OSBPL10: variants seen among roughly 807,000 people sequenced by gnomAD.
OSBPL10 encodes oxysterol-binding protein-related protein 10.
In OSBPL10, 49 loss-of-function variants were observed where a neutral mutation model predicts 81.7. That is an observed-to-expected ratio of 0.60 (90% CI 0.48 to 0.76). The LOEUF (loss-of-function observed/expected upper bound fraction) is 0.76. Among genes scored for constraint, OSBPL10 ranks in the 30% least tolerant of loss-of-function variants. The pLI is 0.00. For synonymous variants in OSBPL10, 419 were observed against 383.6 expected (o/e 1.09, Z -1.08); for missense variants, 923 against 987.8 (o/e 0.93, Z 0.88).
intron 4 of OSBPL10, among the ~76,000 whole-genome samples, chr3:31,822,951 A>G (rs1700016936): frequency 1.3e-5 from 2 of 149,924 alleles, no homozygotes; most frequent in Non-Finnish European, 3.0e-5. Context: ...AAAAAAATAC[A>G]ATACAATAAA....
At chr3:31,785,563 T>C (rs1397414727) in intron 4 of OSBPL10, among the ~76,000 whole-genome samples, 1 of 152,186 alleles carries the variant, frequency 6.6e-6, no homozygotes. Context: ...GGTTTTGGAC[T>C]GGCAGTCAGG....
chr3:31,825,400 C>G (rs1237028975), intron 4 of OSBPL10, among the ~76,000 whole-genome samples: 1 of 152,102 alleles, frequency 6.6e-6, no homozygotes, highest in Non-Finnish European at 1.5e-5. Flanking sequence ...TTGCTCATTG[C>G]AACTTCAAAC....
chr3:31,827,079 TTTTTC>T (rs1559482105), intron 4 of OSBPL10, among the ~76,000 whole-genome samples: 1 of 152,106 alleles, frequency 6.6e-6, no homozygotes, highest in Non-Finnish European at 1.5e-5. Context: ...TTTCATCTAC[TTTTTC>T]TTTTTTCTTT....
intron 4 of OSBPL10, among the ~76,000 whole-genome samples, chr3:31,798,274 ATAAAAAT>A (rs1272726712): frequency 6.6e-6 from 1 of 152,114 alleles, no homozygotes; most frequent in Non-Finnish European, 1.5e-5. Context: ...TAGTAAAAAC[ATAAAAAT>A]TAGCTGGGCG....
chr3:31,947,098 A>G (rs1697724684), intron 1 of OSBPL10, among the ~76,000 whole-genome samples: 1 of 152,230 alleles, frequency 6.6e-6, no homozygotes, highest in Non-Finnish European at 1.5e-5. Flanking sequence ...AGAACGAGAC[A>G]CAGCAGTAAT....
At position 31,705,372 on chromosome 3, in the gene OSBPL10, ACCC is replaced by A. The variant is rs3840254; in HGVS notation, c.1096-2867_1096-2865del. 7.5e-3 allele frequency among the ~76,000 whole-genome samples: 985 copies of A among 130,630 alleles called. 26 individuals are homozygous for A. The highest frequency in any genetic ancestry group is 0.029 in the African/African-American group (931 of 31,928). The allele number at this position is 130,630 out of a possible 152,430, so 85.7% of individuals were successfully genotyped here. A position where few individuals can be genotyped will look rare whatever the true frequency, so the allele number is the denominator to read the frequency against. ...CTCAGTCCATCTGCACAAAGAGAAG[ACCC>A]CCCCCCCCACCCCCATCGCGGTCCA... is the stretch of plus-strand genomic sequence containing the variant. On this transcript the variant is annotated intron_variant, in intron 6 of 11. Transcript: ENST00000396556.
intron 1 of OSBPL10, among the ~76,000 whole-genome samples, chr3:31,939,275 G>A (rs1004860904): frequency 1.3e-5 from 2 of 151,070 alleles, no homozygotes; most frequent in Non-Finnish European, 2.9e-5. Flanking sequence ...CTCCCGAGTA[G>A]CTGGGACTAC....
At chr3:31,913,687 CA>C (rs556707382) in intron 1 of OSBPL10, among the ~76,000 whole-genome samples, 2 of 152,270 alleles carry the variant, frequency 1.3e-5, no homozygotes, top group South Asian at 4.1e-4. Context: ...ACTGACTAAC[CA>C]AGGTGAACAC....
chr3:31,783,335 A>G (rs893601265), intron 4 of OSBPL10, among the ~76,000 whole-genome samples: 3 of 151,972 alleles, frequency 2.0e-5, no homozygotes, highest in East Asian at 1.9e-4. Context: ...GAATGATACA[A>G]TGGACTTTGG....
chr3:31,745,375 A>G (rs11712550), intron 5 of OSBPL10, among the ~76,000 whole-genome samples: 75,086 of 152,120 alleles, frequency 0.49, 19,380 homozygotes, highest in East Asian at 0.78. Context: ...ATTATAATAC[A>G]TAAATATAAG....
upstream of OSBPL10, among the ~76,000 whole-genome samples, chr3:31,983,426 A>G (rs1348616492): frequency 6.6e-6 from 1 of 152,246 alleles, no homozygotes; most frequent in African/African-American, 2.4e-5. Context: ...AGCTAGCACA[A>G]CAAATTCTCA....
chr3:32,064,492 G>T (rs753967906), intron 1 of OSBPL10: 1 of 92,956 alleles, frequency 1.1e-5, no homozygotes, highest in Non-Finnish European at 2.9e-5. Context: ...AAGCACAAAT[G>T]TTGAGGACTG....
Position 32,037,152 on chromosome 3 carries a change from C to T in OSBPL10, n.298+9339G>A, listed in dbSNP as rs62244427. Among the ~76,000 whole-genome samples, 406 of 152,308 alleles carry T rather than the reference C, an allele frequency of 2.7e-3. 3 individuals carry two copies. Among genetic ancestry groups the T allele is most frequent in the Non-Finnish European group, 4.7e-4 (32 of 68,032 alleles). On this transcript the variant is annotated intron_variant and non_coding_transcript_variant, in intron 2 of 3. Coordinates refer to the OSBPL10 transcript ENST00000479173. ...AGAACAGTACATGCTGGAAGAAAAGCTCCCCTACGTACCCCGTGTGACAGA... is the reference window on the plus strand; with the variant it reads ...AGAACAGTACATGCTGGAAGAAAAGTTCCCCTACGTACCCCGTGTGACAGA...
At chr3:31,863,118 G>T (rs1701098540) in intron 3 of OSBPL10, among the ~76,000 whole-genome samples, 1 of 152,094 alleles carries the variant, frequency 6.6e-6, no homozygotes, top group Non-Finnish European at 1.5e-5. Flanking sequence ...CTACAACATG[G>T]ATGAACCTTG....
intron 1 of OSBPL10, among the ~76,000 whole-genome samples, chr3:32,056,109 T>A (rs114611481): frequency 6.6e-6 from 1 of 152,220 alleles, no homozygotes; most frequent in Non-Finnish European, 1.5e-5. Flanking sequence ...CTATCATGAT[T>A]TGCTTTTAAT....
At chr3:31,875,486 C>CA (rs1223941108) in intron 3 of OSBPL10, among the ~76,000 whole-genome samples, 1 of 146,382 alleles carries the variant, frequency 6.8e-6, no homozygotes. Context: ...CGGCTTAGGG[C>CA]AAGTTAAGCG....
chr3:31,761,827 A>AAAAAAAAAAAAAAAC (rs996116489), intron 4 of OSBPL10, among the ~76,000 whole-genome samples: 2 of 149,434 alleles, frequency 1.3e-5, no homozygotes, highest in African/African-American at 5.1e-5. Flanking sequence ...AAAAAAAAAA[A>AAAAAAAAAAAAAAAC]AAAACCCTAA....
At chr3:31,877,045 A>G (rs901514403) in intron 2 of OSBPL10, among the ~76,000 whole-genome samples, 1 of 152,002 alleles carries the variant, frequency 6.6e-6, no homozygotes, top group Non-Finnish European at 1.5e-5. Context: ...CTGGGACTAC[A>G]GGCACCCGCT....
intron 4 of OSBPL10, among the ~76,000 whole-genome samples, chr3:31,810,970 G>A (rs1022861069): frequency 2.6e-5 from 4 of 152,162 alleles, no homozygotes; most frequent in African/African-American, 4.8e-5. Flanking sequence ...ATTGTTCAGC[G>A]AGAGTGTCGA....
Sources: gnomAD v4.1 joint callset for allele counts (sites outside exome capture counted in the v4.1 genomes callset) on GRCh38, gnomAD v4.1.1 for gene constraint, MANE v1.5 for transcripts, NCBI Gene and HGNC (gene_info 2026-07-23, HGNC 2026-07-21) for gene names.